Variants in TMEM135 observed in about 807,000 individuals in gnomAD.
TMEM135 encodes the protein peroxisomal membrane protein 52.
A neutral mutation model predicts 60.3 loss-of-function variants in TMEM135; 30 were observed. The observed-to-expected ratio is 0.50, with a 90% CI of 0.37 to 0.68. The LOEUF is 0.68. Among genes scored for constraint, TMEM135 ranks in the 30% least tolerant of loss-of-function variants. The pLI is 0.00. For synonymous variants in TMEM135, 190 were observed against 186.7 expected (o/e 1.02, Z -0.14); for missense variants, 468 against 548.8 (o/e 0.85, Z 1.47).
At position 87,324,604 on chromosome 11, in the gene TMEM135, T is replaced by TA. The variant is rs1442720904; in HGVS notation, c.*3271_*3272insA. The TA allele has an allele frequency of 2.3e-6, 1 of 438,080 alleles. No homozygotes were observed. Among genetic ancestry groups the TA allele is most frequent in the African/African-American group, 2.1e-5 (1 of 48,652 alleles). The allele number at this position is 438,080 out of a possible 1,614,324, so 27.1% of individuals were successfully genotyped here. A position where few individuals can be genotyped will look rare whatever the true frequency, so the allele number is the denominator to read the frequency against. ...CTGGCTAATATTTATTTTATTTATT[T>TA]TTTTTTTGTAGAAACAAGGTGTTGC... On this transcript the variant is annotated 3_prime_UTR_variant, in exon 15 of 15. Coordinates refer to ENST00000305494, the MANE Select transcript of TMEM135 (RefSeq NM_022918.4).
chr11:87,271,946 CAATTA>C (rs1439942265), intron 6 of TMEM135, among the ~76,000 whole-genome samples: 1 of 150,756 alleles, frequency 6.6e-6, no homozygotes, highest in African/African-American at 2.4e-5. Flanking sequence ...TCTCAAAGAA[CAATTA>C]AATTAATTTT....
At chr11:87,286,400 T>C (rs1942166017) in intron 6 of TMEM135, among the ~76,000 whole-genome samples, 1 of 151,972 alleles carries the variant, frequency 6.6e-6, no homozygotes, top group Non-Finnish European at 1.5e-5. Flanking sequence ...TACAATCCTC[T>C]GGCTAGACAT....
rs527761442 is a variant in TMEM135, at chr11:87,305,156, A to G, written c.699-780A>G. On this transcript the variant is annotated intron_variant, in intron 8 of 14. Transcript: ENST00000305494. The stretch of plus-strand genomic sequence containing the variant: ...TGTTTTCTCTCAAATCTAATTAAGT[A>G]TAAATTCCTGTAACCTGAGCATGTT... 4.9e-4 allele frequency among the ~76,000 whole-genome samples: 75 copies of G among 152,310 alleles called. 1 individual carries two copies. Among genetic ancestry groups the G allele is most frequent in the African/African-American group, 1.8e-3 (73 of 41,574 alleles).
At chr11:87,145,177 A>G (rs1246573630) in intron 4 of TMEM135, among the ~76,000 whole-genome samples, 1 of 152,194 alleles carries the variant, frequency 6.6e-6, no homozygotes, top group Non-Finnish European at 1.5e-5. Flanking sequence ...AAGTGAGAAC[A>G]TGTGATATTT....
At chr11:87,131,887 T>C (rs530921557) in intron 4 of TMEM135, among the ~76,000 whole-genome samples, 13 of 152,282 alleles carry the variant, frequency 8.5e-5, no homozygotes, top group African/African-American at 2.9e-4. Context: ...GCCTGAGCTC[T>C]GCCTCCTGTC....
intron 4 of TMEM135, among the ~76,000 whole-genome samples, chr11:87,126,177 AC>A (rs1173894903): frequency 6.6e-6 from 1 of 152,114 alleles, no homozygotes; most frequent in Non-Finnish European, 1.5e-5. Flanking sequence ...GGCCTACAAT[AC>A]CTGTATTTTA....
chr11:87,138,022 T>C (rs954025433), intron 4 of TMEM135, among the ~76,000 whole-genome samples: 1 of 152,012 alleles, frequency 6.6e-6, no homozygotes, highest in African/African-American at 2.4e-5. Context: ...ATGTAATGCA[T>C]ATTTCCTGTG....
At chr11:87,108,650 C>T (rs899364590) in intron 4 of TMEM135, among the ~76,000 whole-genome samples, 4 of 151,998 alleles carry the variant, frequency 2.6e-5, no homozygotes, top group Non-Finnish European at 2.9e-5. Flanking sequence ...TTGAAATCTT[C>T]GTTTCTTTTT....
At chr11:87,175,393 C>T (rs968020971) in intron 5 of TMEM135, among the ~76,000 whole-genome samples, 2 of 152,168 alleles carry the variant, frequency 1.3e-5, no homozygotes, top group African/African-American at 4.8e-5. Context: ...TTGGTGTAGA[C>T]CAAGAAGGCC....
intron 4 of TMEM135, among the ~76,000 whole-genome samples, chr11:87,150,140 C>G (rs1434345390): frequency 6.7e-6 from 1 of 148,174 alleles, no homozygotes; most frequent in African/African-American, 2.5e-5. Context: ...TCGCTTGTAC[C>G]TGGGAGGTGG....
chr11:87,261,493 T>C (rs1366848547), intron 6 of TMEM135, among the ~76,000 whole-genome samples: 2 of 152,204 alleles, frequency 1.3e-5, no homozygotes, highest in Non-Finnish European at 2.9e-5. Flanking sequence ...GTATAAATAA[T>C]ACAGTTTCAT....
intron 1 of TMEM135, among the ~76,000 whole-genome samples, chr11:87,043,640 T>C (rs1297406571): frequency 2.0e-5 from 3 of 151,946 alleles, no homozygotes; most frequent in Non-Finnish European, 4.4e-5. Context: ...GGAGAATCAC[T>C]TGAACCTGGG....
chr11:87,041,085 C>T (rs1042800446), intron 1 of TMEM135, among the ~76,000 whole-genome samples: 4 of 152,068 alleles, frequency 2.6e-5, no homozygotes, highest in Non-Finnish European at 4.4e-5. Context: ...TATAACAGAA[C>T]GTTTGCGTAC....
intron 4 of TMEM135, among the ~76,000 whole-genome samples, chr11:87,091,674 A>G (rs866694946): frequency 2.1e-4 from 32 of 152,000 alleles, no homozygotes; most frequent in African/African-American, 6.3e-4. Flanking sequence ...CTGTACTTGT[A>G]TGTGTATATA....
chr11:87,198,190 A>G (rs2135326541), intron 5 of TMEM135, among the ~76,000 whole-genome samples: 1 of 152,284 alleles, frequency 6.6e-6, no homozygotes, highest in Admixed American at 6.5e-5. Context: ...CCTCAGTTCT[A>G]TTCTTTATGT....
At position 87,135,493 on chromosome 11, in the gene TMEM135, CTTT is replaced by C. The variant is rs376201118; in HGVS notation, c.397-21836_397-21834del. Among the ~76,000 whole-genome samples, 297 of 142,034 alleles carry C rather than the reference CTTT, an allele frequency of 2.1e-3. 3 individuals carry two copies. The highest frequency in any genetic ancestry group is 3.6e-3 in the Admixed American group (51 of 14,060). 93.2% of individuals were successfully genotyped at this position (142,034 alleles called of 152,430 possible). A position where few individuals can be genotyped will look rare whatever the true frequency, so the allele number is the denominator to read the frequency against. ...TAGCACCATTTATTGAAGAGTTCATCTTTTTTTTTTTTTTAACGGAATTACGTT... is the reference window on the plus strand; with the variant it reads ...TAGCACCATTTATTGAAGAGTTCATCTTTTTTTTTTTAACGGAATTACGTT... On this transcript the variant is annotated intron_variant, in intron 4 of 14. Transcript: ENST00000305494.
chr11:87,095,054 C>T, intron 4 of TMEM135: 1 of 191,620 alleles, frequency 5.2e-6, no homozygotes, highest in Admixed American at 5.0e-5. Flanking sequence ...AGTTAGCCTT[C>T]TTCCACAGCA....
chr11:87,066,338 A>G (rs1590991624), intron 1 of TMEM135, among the ~76,000 whole-genome samples: 1 of 152,174 alleles, frequency 6.6e-6, no homozygotes, highest in Non-Finnish European at 1.5e-5. Context: ...CCCGTTCTCC[A>G]TGAAATTCCT....
chr11:87,172,978 C>T (rs1410013276), intron 5 of TMEM135, among the ~76,000 whole-genome samples: 2 of 151,666 alleles, frequency 1.3e-5, no homozygotes, highest in Non-Finnish European at 2.9e-5. Flanking sequence ...AATTATTACA[C>T]TTAATTTTAA....
Sources: gnomAD v4.1 joint callset for allele counts (sites outside exome capture counted in the v4.1 genomes callset) on GRCh38, gnomAD v4.1.1 for gene constraint, MANE v1.5 for transcripts, NCBI Gene and HGNC (gene_info 2026-07-23, HGNC 2026-07-21) for gene names.